RPRD2: variants seen among roughly 807,000 people sequenced by gnomAD.
RPRD2 encodes the protein regulation of nuclear pre-mRNA domain containing 2, also known as regulation of nuclear pre-mRNA domain-containing protein 2.
Under a neutral mutation model 104.4 loss-of-function variants are expected in RPRD2, and 12 were observed. The observed-to-expected ratio is 0.11, with a 90% CI of 0.07 to 0.19. The LOEUF (loss-of-function observed/expected upper bound fraction) is 0.19, where lower values mean the gene tolerates loss of function less well. RPRD2 is among the 10% of genes least tolerant of loss of function. The pLI, the probability that RPRD2 is intolerant of heterozygous loss-of-function variation, is 1.00. For missense variants in RPRD2, 1,543 were observed against 1,790.1 expected (o/e 0.86, Z 2.49); for synonymous variants, 714 against 684.9 (o/e 1.04, Z -0.66).
chr1:150,383,149 A>G (rs2133128), intron 1 of RPRD2, among the ~76,000 whole-genome samples: 12,437 of 150,428 alleles, frequency 0.083, 676 homozygotes, highest in Non-Finnish European at 0.12. Context: ...GCAGGCCACC[A>G]TGGTCAGCTA....
At chr1:150,420,758 G>T (rs1165689612) in intron 2 of RPRD2, among the ~76,000 whole-genome samples, 2 of 152,136 alleles carry the variant, frequency 1.3e-5, no homozygotes, top group Admixed American at 6.6e-5. Flanking sequence ...CCTGGGAGGT[G>T]GAGGTTGCAG....
intron 2 of RPRD2, among the ~76,000 whole-genome samples, chr1:150,426,438 A>G (rs1273466668): frequency 6.6e-6 from 1 of 152,202 alleles, no homozygotes; most frequent in Non-Finnish European, 1.5e-5. Context: ...AATGTGAATA[A>G]TAGTACAGTT....
intron 2 of RPRD2, among the ~76,000 whole-genome samples, chr1:150,439,627 C>CTTTTTTTTTTTT (rs66814229): frequency 7.0e-6 from 1 of 142,292 alleles, no homozygotes; most frequent in Non-Finnish European, 1.5e-5. Context: ...TTTGACATAG[C>CTTTTTTTTTTTT]TTTTTTTTTT....
intron 2 of RPRD2, among the ~76,000 whole-genome samples, chr1:150,428,986 T>A (rs1472169851): frequency 1.3e-5 from 2 of 149,910 alleles, no homozygotes; most frequent in South Asian, 2.1e-4. Context: ...GGTCAGCCAA[T>A]TTTTTTTTTA....
chr1:150,387,567 CTTTTTTTTTTTTTTTTTTTTTTTTT>C lies in RPRD2; in HGVS notation c.205+22665_205+22689del, dbSNP rs562476167. Among the ~76,000 whole-genome samples the C allele has an allele frequency of 1.5e-3, 110 of 73,806 alleles. 2 individuals are homozygous for C. The East Asian group carries it at 0.02, about 13-fold the overall frequency. The allele number at this position is 73,806 out of a possible 152,430, so 48.4% of individuals were successfully genotyped here. Reference sequence around the variant, plus strand: ...AAATCTTACAGAAGTTGCAACAGACCTTTTTTTTTTTTTTTTTTTTTTTTTTTTTTTTTTTTTTTTTGAGACGGAG... The same window carrying C: ...AAATCTTACAGAAGTTGCAACAGACCTTTTTTTTTTTTTTTTGAGACGGAG... On this transcript the variant is annotated intron_variant, in intron 1 of 10. Transcript: ENST00000369068.
intron 1 of RPRD2, among the ~76,000 whole-genome samples, chr1:150,414,977 G>A (rs1010840584): frequency 5.3e-5 from 8 of 152,078 alleles, no homozygotes; most frequent in Non-Finnish European, 1.0e-4. Flanking sequence ...TAGGAGAGAC[G>A]TGCATATACA....
intron 2 of RPRD2, among the ~76,000 whole-genome samples, chr1:150,432,644 A>G (rs1342259595): frequency 3.6e-5 from 3 of 83,070 alleles, no homozygotes; most frequent in African/African-American, 1.8e-4. Flanking sequence ...AAAAAAAGCC[A>G]AAAAAAAAAA....
intron 2 of RPRD2, among the ~76,000 whole-genome samples, chr1:150,438,560 C>T (rs782061027): frequency 1.9e-4 from 29 of 151,630 alleles, no homozygotes; most frequent in Non-Finnish European, 3.4e-4. Flanking sequence ...ACCCAGGAGG[C>T]GGAAGTTGCA....
intron 8 of RPRD2, 33 bp from the exon 9 acceptor site, chr1:150,460,027 A>G (rs782614540): frequency 1.2e-6 from 2 of 1,604,134 alleles, no homozygotes; most frequent in Non-Finnish European, 1.7e-6. Context: ...GGAAAGTAGT[A>G]GGATGTAATA....
At position 150,475,394 on chromosome 1, in the gene RPRD2, A is replaced by G. The variant is rs952503977; in HGVS notation, c.*2060A>G. 1 of 152,514 alleles carries G rather than the reference A, an allele frequency of 6.6e-6. No individual in the cohort carries two copies. The highest frequency in any genetic ancestry group is 6.5e-5 in the Admixed American group (1 of 15,272). 9.4% of individuals were successfully genotyped at this position (152,514 alleles called of 1,614,324 possible). On this transcript the variant is annotated 3_prime_UTR_variant, in exon 11 of 11. Coordinates refer to ENST00000369068, the MANE Select transcript of RPRD2 (RefSeq NM_015203.5). ...CTTGTTTAAGCTAAAAGTAGTGTTT[A>G]CTTGATAAGGCTCTCTGACCATTTA...
chr1:150,441,730 T>C, intron 3 of RPRD2, 151 bp from the exon 4 acceptor site: 2 of 532,604 alleles, frequency 3.8e-6, no homozygotes, highest in East Asian at 3.2e-5. Context: ...GGTAGGAATT[T>C]CTATTTTTTC....
At chr1:150,397,067 A>G (rs1662585906) in intron 1 of RPRD2, among the ~76,000 whole-genome samples, 1 of 152,060 alleles carries the variant, frequency 6.6e-6, no homozygotes, top group Non-Finnish European at 1.5e-5. Context: ...TCTGCCTCCC[A>G]GATTCAAGCA....
chr1:150,383,751 C>G (rs1234574207), intron 1 of RPRD2, among the ~76,000 whole-genome samples: 1 of 152,110 alleles, frequency 6.6e-6, no homozygotes, highest in Non-Finnish European at 1.5e-5. Flanking sequence ...AAGTGAAGAG[C>G]TTTTGAAATT....
rs1204366223 is a variant in RPRD2 at position 150,459,471 on chromosome 1, C to T, written c.1154-589C>T. Among the ~76,000 whole-genome samples, 3 of 151,928 alleles carry T rather than the reference C, an allele frequency of 2.0e-5. No homozygotes were observed. The East Asian group carries it at 5.8e-4, about 29-fold the overall frequency. On this transcript the variant is annotated intron_variant, in intron 8 of 10. Transcript: ENST00000369068. The stretch of plus-strand genomic sequence containing the variant: ...AAAATATCATTTCCAAAAGACAGAA[C>T]ACAAATGTGTACCAAATAATAACAT...
At chr1:150,457,192 C>A in intron 7 of RPRD2, 96 bp from the exon 8 acceptor site, 1 of 1,218,628 alleles carries the variant, frequency 8.2e-7, no homozygotes, top group Non-Finnish European at 1.1e-6. Context: ...CCACTACACT[C>A]TAGCCTGGGT....
intron 2 of RPRD2, among the ~76,000 whole-genome samples, chr1:150,438,594 A>G (rs1458516525): frequency 6.6e-6 from 1 of 151,906 alleles, no homozygotes; most frequent in Non-Finnish European, 1.5e-5. Flanking sequence ...GCACCATTGC[A>G]CTCCAGCCTG....
At chr1:150,391,371 CTCAA>C (rs2102177586) in intron 1 of RPRD2, among the ~76,000 whole-genome samples, 1 of 152,204 alleles carries the variant, frequency 6.6e-6, no homozygotes, top group South Asian at 2.1e-4. Flanking sequence ...CCAGGCTTAT[CTCAA>C]ACTCCTGGGC....
At chr1:150,420,223 G>A (rs1275389923) in intron 2 of RPRD2, among the ~76,000 whole-genome samples, 2 of 151,800 alleles carry the variant, frequency 1.3e-5, no homozygotes, top group Admixed American at 6.6e-5. Flanking sequence ...CCTATTTCAT[G>A]GATTAATATA....
At chr1:150,378,909 G>A (rs1454044607) in intron 1 of RPRD2, among the ~76,000 whole-genome samples, 1 of 150,748 alleles carries the variant, frequency 6.6e-6, no homozygotes, top group African/African-American at 2.4e-5. Flanking sequence ...CTTGGACCCG[G>A]AGGTGGAAGT....
Sources: gnomAD v4.1 joint callset for allele counts (sites outside exome capture counted in the v4.1 genomes callset) on GRCh38, gnomAD v4.1.1 for gene constraint, MANE v1.5 for transcripts, NCBI Gene and HGNC (gene_info 2026-07-23, HGNC 2026-07-21) for gene names.